The following LNX2 variants were observed in gnomAD, a reference collection of about 807,000 sequenced individuals.
LNX2 encodes the protein ligand of numb-protein X 2, also known as ligand of Numb protein X 2.
A neutral mutation model predicts 66.2 loss-of-function variants in LNX2; 35 were observed. The observed-to-expected ratio is 0.53, with a 90% CI of 0.40 to 0.70. The LOEUF is 0.70. Ranked by LOEUF, LNX2 falls within the 30% of genes least tolerant of loss-of-function variation. The pLI is 0.00. For missense variants in LNX2, 791 were observed against 850.8 expected (o/e 0.93, Z 0.87); for synonymous variants, 337 against 315.6 (o/e 1.07, Z -0.72).
chr13:27,555,339 TTCTG>T (rs151266190), intron 7 of LNX2, among the ~76,000 whole-genome samples: 171 of 152,348 alleles, frequency 1.1e-3, no homozygotes, highest in African/African-American at 3.8e-3. Context: ...ATGTTGTGTT[TTCTG>T]TCTTTTTAAT....
intron 4 of LNX2, among the ~76,000 whole-genome samples, 179 bp downstream of exon 4, chr13:27,567,461 A>G (rs909986949): frequency 3.9e-5 from 6 of 152,168 alleles, no homozygotes; most frequent in Non-Finnish European, 8.8e-5. Flanking sequence ...GGAAGAAAAA[A>G]TACTCTGTGT....
chr13:27,603,012 T>C (rs1955675806), intron 1 of LNX2, among the ~76,000 whole-genome samples: 1 of 152,146 alleles, frequency 6.6e-6, no homozygotes, highest in Admixed American at 6.5e-5. Flanking sequence ...TTAAACTTTT[T>C]TCTACTTTCA....
At chr13:27,552,673 A>G (rs1057162164) in intron 8 of LNX2, among the ~76,000 whole-genome samples, 6 of 152,218 alleles carry the variant, frequency 3.9e-5, no homozygotes, top group African/African-American at 1.4e-4. Flanking sequence ...CAACCACAGC[A>G]TATCTTGGCT....
At chr13:27,550,967 ATCTC>A (rs1486194483) in intron 8 of LNX2, among the ~76,000 whole-genome samples, 1 of 152,222 alleles carries the variant, frequency 6.6e-6, no homozygotes. Flanking sequence ...GCAGATAATT[ATCTC>A]TCTTTTCTAA....
chr13:27,549,544 C>G (rs1016094227), intron 9 of LNX2, among the ~76,000 whole-genome samples: 6 of 152,272 alleles, frequency 3.9e-5, no homozygotes, highest in Middle Eastern at 6.8e-3. Flanking sequence ...TGAATGCCAG[C>G]CAACCACTTT....
chr13:27,569,139 C>T lies in LNX2; in HGVS notation c.545G>A (p.Gly182Glu). 1 of 1,612,686 alleles carries T rather than the reference C, an allele frequency of 6.2e-7. No homozygotes were observed. Among genetic ancestry groups the T allele is most frequent in the Non-Finnish European group, 8.5e-7 (1 of 1,179,538 alleles). Residue 182 changes from glycine to glutamate, a missense_variant, in exon 3 of 10, where the codon GGG (glycine) becomes GAG (glutamate). Transcript: ENST00000316334. ...GTLSPEADCL[G>E]TGAVPVERHL... Reference sequence around the variant, plus strand: ...CCGCTCCACAGGCACTGCGCCTGTCCCCAAACAGTCTGCTTCTGGAGATAA... The same window carrying T: ...CCGCTCCACAGGCACTGCGCCTGTCTCCAAACAGTCTGCTTCTGGAGATAA...
In LNX2 at chr13:27,581,416, G is replaced by A; in HGVS notation, c.288C>T (p.Cys96=). 6.2e-7 allele frequency: 1 copy of A among 1,608,236 alleles called. No individual in the cohort carries two copies. Among genetic ancestry groups the A allele is most frequent in the Non-Finnish European group, 8.5e-7 (1 of 1,175,786 alleles). The change falls in exon 2 of 10, where the codon TGC becomes TGT. Residue 96 remains cysteine, a synonymous_variant. Transcript: ENST00000316334. The part of the protein sequence containing the change: ...LDRKRLHFKL[C]KKSSILVHKL... ...TATGAACTAGAATACTAGACTTCTTGCACAACTTAAAATGAAGTCTTTTCC... is the reference window on the plus strand; with the variant it reads ...TATGAACTAGAATACTAGACTTCTTACACAACTTAAAATGAAGTCTTTTCC...
At chr13:27,589,608 A>G (rs1955527103) in intron 1 of LNX2, among the ~76,000 whole-genome samples, 1 of 152,086 alleles carries the variant, frequency 6.6e-6, no homozygotes. Flanking sequence ...AATTCTCCTA[A>G]ACCATGATGA....
chr13:27,579,581 C>T (rs1051602141), intron 2 of LNX2, among the ~76,000 whole-genome samples: 2 of 152,160 alleles, frequency 1.3e-5, no homozygotes, highest in Admixed American at 6.5e-5. Flanking sequence ...ATAAGAAACA[C>T]TAGTAATAGT....
intron 1 of LNX2, among the ~76,000 whole-genome samples, chr13:27,597,476 T>C (rs1955611435): frequency 6.6e-6 from 1 of 152,144 alleles, no homozygotes; most frequent in Admixed American, 6.5e-5. Flanking sequence ...AAATAGTTGA[T>C]GCACTCTATG....
intron 7 of LNX2, among the ~76,000 whole-genome samples, chr13:27,554,950 T>C (rs1955040605): frequency 6.6e-6 from 1 of 152,210 alleles, no homozygotes; most frequent in Admixed American, 6.5e-5. Flanking sequence ...AGTATCTTAC[T>C]GTGGTTTTGA....
Position 27,581,514 on chromosome 13 carries a change from G to C in LNX2, c.190C>G (p.Pro64Ala). Reference sequence around the variant, plus strand: ...TTGTAGCAGAATGTATGTCCACAGGGTGTGTCTAGTGGCTGCAGCAGAGGT... The same window carrying C: ...TTGTAGCAGAATGTATGTCCACAGGCTGTGTCTAGTGGCTGCAGCAGAGGT... The part of the protein sequence containing the change: ...LQPLLQPLDT[P>A]CGHTFCYKCL... Residue 64 changes from proline to alanine, a missense_variant, in exon 2 of 10, where the codon CCC becomes GCC. Pro to Ala is a conservative substitution (Grantham distance 27, BLOSUM62 -1). Coordinates refer to ENST00000316334, the MANE Select transcript of LNX2 (RefSeq NM_153371.4). 1 of 1,614,096 alleles carries C rather than the reference G, an allele frequency of 6.2e-7. No individual in the cohort carries two copies. The highest frequency in any genetic ancestry group is 8.5e-7 in the Non-Finnish European group (1 of 1,179,970).
intron 6 of LNX2, among the ~76,000 whole-genome samples, chr13:27,557,752 G>A (rs1278297766): frequency 6.6e-6 from 1 of 151,898 alleles, no homozygotes; most frequent in South Asian, 2.1e-4. Flanking sequence ...TTTACCAAAG[G>A]AGCTATGTGT....
intron 3 of LNX2, among the ~76,000 whole-genome samples, 197 bp from the exon 4 acceptor site, chr13:27,568,036 G>C (rs1839799500): frequency 6.6e-6 from 1 of 152,130 alleles, no homozygotes. Context: ...TACTAAAACT[G>C]ATCAGTAAAT....
intron 7 of LNX2, among the ~76,000 whole-genome samples, chr13:27,554,386 C>T (rs937623463): frequency 6.6e-6 from 1 of 152,184 alleles, no homozygotes; most frequent in Non-Finnish European, 1.5e-5. Flanking sequence ...TAATCACTCC[C>T]TCTATACCCA....
At chr13:27,559,683 A>G (rs1156777195) in intron 6 of LNX2, among the ~76,000 whole-genome samples, 159 bp downstream of exon 6, 1 of 152,158 alleles carries the variant, frequency 6.6e-6, no homozygotes, top group Non-Finnish European at 1.5e-5. Flanking sequence ...CCAAACACCT[A>G]TATTTTTCAA....
At chr13:27,552,156 G>A (rs1358543009) in intron 8 of LNX2, among the ~76,000 whole-genome samples, 1 of 152,160 alleles carries the variant, frequency 6.6e-6, no homozygotes, top group South Asian at 2.1e-4. Flanking sequence ...AAAAAAAGAG[G>A]TCAATGTGCC....
At chr13:27,550,652 A>C (rs1593236303) in intron 8 of LNX2, among the ~76,000 whole-genome samples, 161 bp from the exon 9 acceptor site, 1 of 152,296 alleles carries the variant, frequency 6.6e-6, no homozygotes, top group South Asian at 2.1e-4. Flanking sequence ...TCTAGCAGAG[A>C]CACAGTCCTA....
At chr13:27,613,091 A>G (rs74040823) in intron 1 of LNX2, among the ~76,000 whole-genome samples, 124 of 152,262 alleles carry the variant, frequency 8.1e-4, no homozygotes, top group African/African-American at 2.9e-3. Flanking sequence ...AATTGGTGAT[A>G]CCAAAGCAAT....
Sources: allele counts gnomAD v4.1 joint callset (sites outside exome capture counted in the v4.1 genomes callset), GRCh38; gene constraint gnomAD v4.1.1; transcripts MANE v1.5; gene names NCBI Gene and HGNC (gene_info 2026-07-23, HGNC 2026-07-21).